The following PCDH15 variants were observed in gnomAD, a reference collection of about 807,000 sequenced individuals.
The protein encoded by PCDH15 is protocadherin-15.
A neutral mutation model predicts 178.5 loss-of-function variants in PCDH15; 129 were observed. The ratio of observed to expected loss-of-function variants is 0.72; its 90% confidence interval spans 0.63 to 0.84. The LOEUF (loss-of-function observed/expected upper bound fraction) is 0.84, where lower values mean the gene tolerates loss of function less well. Among genes scored for constraint, PCDH15 ranks in the 40% least tolerant of loss-of-function variants. The pLI, the probability that PCDH15 is intolerant of heterozygous loss-of-function variation, is 0.00. For missense variants in PCDH15, 2,230 were observed against 2,099.9 expected (o/e 1.06, Z -1.21); for synonymous variants, 800 against 732.0 (o/e 1.09, Z -1.50).
At chr10:54,408,397 T>C (rs1257391109) in intron 3 of PCDH15, among the ~76,000 whole-genome samples, 1 of 152,148 alleles carries the variant, frequency 6.6e-6, no homozygotes, top group East Asian at 1.9e-4. Flanking sequence ...TGAACTACTA[T>C]AATTGGGTGT....
intron 1 of PCDH15, among the ~76,000 whole-genome samples, chr10:54,712,027 T>A (rs2095432311): frequency 6.6e-6 from 1 of 151,946 alleles, no homozygotes; most frequent in Admixed American, 6.6e-5. Context: ...CCTTAAATTC[T>A]GAAATACTTA....
At chr10:54,994,076 A>G (rs557823620) in intron 2 of PCDH15, among the ~76,000 whole-genome samples, 1 of 152,336 alleles carries the variant, frequency 6.6e-6, no homozygotes, top group African/African-American at 2.4e-5. Context: ...CATGACACCA[A>G]ATCCCACAGA....
At chr10:53,987,558 C>T (rs1420386566) in intron 21 of PCDH15, among the ~76,000 whole-genome samples, 3 of 151,900 alleles carry the variant, frequency 2.0e-5, no homozygotes, top group African/African-American at 7.3e-5. Flanking sequence ...ACTAATTCTT[C>T]AAAGAAAATA....
At chr10:54,383,235 G>A (rs138028044) in intron 3 of PCDH15, among the ~76,000 whole-genome samples, 3 of 149,378 alleles carry the variant, frequency 2.0e-5, no homozygotes, top group African/African-American at 7.4e-5. Context: ...TTAAATACCA[G>A]CAAGAAAAAA....
At position 54,974,877 on chromosome 10, in the gene PCDH15, G is replaced by A. The variant is rs543725807; in HGVS notation, c.-79-77377C>T. Among the ~76,000 whole-genome samples, 5 of 152,250 alleles carry A rather than the reference G, an allele frequency of 3.3e-5. 1 individual carries two copies. The highest frequency in any genetic ancestry group is 6.8e-3 in the Middle Eastern group (2 of 294). The stretch of plus-strand genomic sequence containing the variant: ...TCATGCATATTTATTTGGGTTTAAG[G>A]TAAATCCTAATTATTATTTTTATAG... On this transcript the variant is annotated intron_variant, in intron 2 of 5. Transcript: ENST00000458638.
intron 3 of PCDH15, among the ~76,000 whole-genome samples, chr10:54,434,010 AT>A (rs2075204851): frequency 6.6e-6 from 1 of 152,206 alleles, no homozygotes; most frequent in Non-Finnish European, 1.5e-5. Context: ...AGACAGCGAT[AT>A]AGATCCACAT....
chr10:55,549,767 C>G (rs964785563), intron 2 of PCDH15, among the ~76,000 whole-genome samples: 4 of 152,108 alleles, frequency 2.6e-5, no homozygotes, highest in Non-Finnish European at 4.4e-5. Flanking sequence ...GACTTAGGTC[C>G]TGTTTTGTCA....
At chr10:55,116,491 T>C (rs865950091) in intron 2 of PCDH15, among the ~76,000 whole-genome samples, 1 of 152,144 alleles carries the variant, frequency 6.6e-6, no homozygotes, top group Non-Finnish European at 1.5e-5. Flanking sequence ...CGAAGATTCA[T>C]TGCCCAAGAT....
chr10:55,174,413 C>G (rs1026704909), intron 1 of PCDH15, among the ~76,000 whole-genome samples: 10 of 152,192 alleles, frequency 6.6e-5, no homozygotes, highest in African/African-American at 1.9e-4. Context: ...TATAATTCAG[C>G]TTGGCCGAAT....
At chr10:54,235,475 C>T (rs1170588992) in intron 9 of PCDH15, among the ~76,000 whole-genome samples, 1 of 152,096 alleles carries the variant, frequency 6.6e-6, no homozygotes, top group East Asian at 1.9e-4. Flanking sequence ...CATCCTTTGG[C>T]TTTTGCACAT....
chr10:54,354,639 G>A (rs34048770), intron 5 of PCDH15, among the ~76,000 whole-genome samples: 8,201 of 152,126 alleles, frequency 0.054, 254 homozygotes, highest in Admixed American at 0.099. Context: ...TGAAGATATC[G>A]AGTTTTGAAC....
intron 2 of PCDH15, among the ~76,000 whole-genome samples, chr10:55,047,452 T>A (rs1043303696): frequency 2.0e-5 from 3 of 151,858 alleles, no homozygotes; most frequent in African/African-American, 7.2e-5. Flanking sequence ...ATCTTAAACT[T>A]ATATATTATC....
chr10:55,310,674 T>C (rs544179981), intron 1 of PCDH15, among the ~76,000 whole-genome samples: 1 of 152,288 alleles, frequency 6.6e-6, no homozygotes, highest in East Asian at 1.9e-4. Context: ...ATATACACCA[T>C]GGAATTCTAT....
intron 1 of PCDH15, among the ~76,000 whole-genome samples, chr10:54,702,066 C>G (rs529127464): frequency 2.0e-5 from 3 of 152,054 alleles, no homozygotes; most frequent in African/African-American, 7.2e-5. Flanking sequence ...ATAAGACAAT[C>G]CTCAGCATAT....
chr10:54,105,854 A>G (rs1393972121), intron 15 of PCDH15, among the ~76,000 whole-genome samples: 2 of 152,224 alleles, frequency 1.3e-5, no homozygotes, highest in Non-Finnish European at 2.9e-5. Context: ...TAATAGCAGT[A>G]TTATTCATAA....
At chr10:54,408,253 T>A in intron 3 of PCDH15, among the ~76,000 whole-genome samples, 1 of 151,946 alleles carries the variant, frequency 6.6e-6, no homozygotes, top group South Asian at 2.1e-4. Context: ...AAGGTGACAA[T>A]GTTATCCCAC....
intron 2 of PCDH15, among the ~76,000 whole-genome samples, chr10:55,503,479 T>C (rs1247213712): frequency 6.6e-6 from 1 of 150,692 alleles, no homozygotes; most frequent in Non-Finnish European, 1.5e-5. Flanking sequence ...TTTATGTTGA[T>C]AATAAAATTT....
chr10:54,198,495 CTTTTTTTTTTT>C lies in PCDH15; in HGVS notation c.1099-2617_1099-2607del, dbSNP rs1186240206. Among the ~76,000 whole-genome samples, 5 of 31,174 alleles carry C rather than the reference CTTTTTTTTTTT, an allele frequency of 1.6e-4. No homozygotes were observed. The Admixed American group carries it at 3.4e-3, about 21-fold the overall frequency. The allele number at this position is 31,174 out of a possible 152,430, so 20.5% of individuals were successfully genotyped here. On this transcript the variant is annotated intron_variant, in intron 10 of 37. Coordinates refer to ENST00000644397, the MANE Select transcript of PCDH15 (RefSeq NM_001384140.1). ...CATCTTTCTTTAATATCTAATTATT[CTTTTTTTTTTT>C]TTTTTTTTTTTTTGAGACAAAGTCT...
chr10:55,619,971 A>G (rs548683724), intron 2 of PCDH15, among the ~76,000 whole-genome samples: 3 of 152,068 alleles, frequency 2.0e-5, no homozygotes, highest in African/African-American at 7.2e-5. Flanking sequence ...TTCTTTTCCC[A>G]TTTGGAGATG....
Sources: allele counts gnomAD v4.1 joint callset (sites outside exome capture counted in the v4.1 genomes callset), GRCh38; gene constraint gnomAD v4.1.1; transcripts MANE v1.5; gene names NCBI Gene and HGNC (gene_info 2026-07-23, HGNC 2026-07-21).